PLD1: variants seen among roughly 807,000 people sequenced by gnomAD.
The protein encoded by PLD1 is choline phosphatase 1.
Under a neutral mutation model 137.1 loss-of-function variants are expected in PLD1, and 112 were observed. That is an observed-to-expected ratio of 0.82 (90% confidence interval 0.70 to 0.96). The LOEUF (loss-of-function observed/expected upper bound fraction) is 0.96, where lower values mean the gene tolerates loss of function less well. Ranked by LOEUF, PLD1 falls within the 40% of genes least tolerant of loss-of-function variation. The pLI is 0.00. For missense variants in PLD1, 1,321 were observed against 1,342.0 expected (o/e 0.98, Z 0.24); for synonymous variants, 431 against 454.7 (o/e 0.95, Z 0.66).
At position 171,747,049 on chromosome 3, in the gene PLD1, C is replaced by T. The variant is rs150404427; in HGVS notation, c.-31-8967G>A. ...ACCCGGAGAAATGAACAACTCCAGA[C>T]GCGCCACTTTAAGAGCTGTGGCACT... On this transcript the variant is annotated intron_variant, in intron 1 of 26. Coordinates refer to ENST00000351298, the MANE Select transcript of PLD1 (RefSeq NM_002662.5). Among the ~76,000 whole-genome samples the T allele has an allele frequency of 4.6e-3, 704 of 152,040 alleles. 2 individuals are homozygous for T. The highest frequency in any genetic ancestry group is 0.016 in the African/African-American group (647 of 41,450).
chr3:171,612,475 G>A lies in PLD1; in HGVS notation c.2729-43C>T. 2 of 1,591,256 alleles carry A rather than the reference G, an allele frequency of 1.3e-6. 1 individual carries two copies. The highest frequency in any genetic ancestry group is 2.2e-5 in the South Asian group (2 of 90,226). On this transcript the variant is annotated intron_variant, in intron 24 of 26. Transcript: ENST00000351298. The surrounding 1 kb of genome is among the most constrained non-coding windows in gnomAD (Gnocchi z 4.1). ...GAGGCTGAACAACCTTCCTGTTGTGGCAGACACTGTTGGTTGCCCTCCCAA... is the reference window on the plus strand; with the variant it reads ...GAGGCTGAACAACCTTCCTGTTGTGACAGACACTGTTGGTTGCCCTCCCAA...
chr3:171,676,593 A>G, intron 18 of PLD1, 122 bp downstream of exon 18: 1 of 760,130 alleles, frequency 1.3e-6, no homozygotes, highest in Non-Finnish European at 2.3e-6. Context: ...AGCCAACAGC[A>G]GAGCAGTGAC....
chr3:171,697,044 G>A (rs752178746), intron 12 of PLD1, among the ~76,000 whole-genome samples: 17 of 152,142 alleles, frequency 1.1e-4, no homozygotes, highest in Non-Finnish European at 1.8e-4. Flanking sequence ...CAGTAAACAA[G>A]CGCATGCCAG....
Position 171,708,857 on chromosome 3 carries a change from G to C in PLD1, c.1062-19C>G. The C allele has an allele frequency of 1.4e-6, 2 of 1,386,534 alleles. No individual in the cohort carries two copies. The highest frequency in any genetic ancestry group is 1.2e-5 in the South Asian group (1 of 83,662). The allele number at this position is 1,386,534 out of a possible 1,614,324, so 85.9% of individuals were successfully genotyped here. A position where few individuals can be genotyped will look rare whatever the true frequency, so the allele number is the denominator to read the frequency against. ...AACATACCTGAAAGACAAGTTTATT[G>C]TTCCTTTTTGTTATTAAAAAAGAAA... On this transcript the variant is annotated intron_variant, in intron 10 of 26. Coordinates refer to ENST00000351298, the MANE Select transcript of PLD1 (RefSeq NM_002662.5).
chr3:171,697,667 T>G lies in PLD1; in HGVS notation c.1227+2078A>C, dbSNP rs7624560. Reference sequence around the variant, plus strand: ...TGACAAAGTCTTTGGCACTGCTGTTTACATCTACTACACCTAGAAAGTTCT... The same window carrying G: ...TGACAAAGTCTTTGGCACTGCTGTTGACATCTACTACACCTAGAAAGTTCT... On this transcript the variant is annotated intron_variant, in intron 12 of 26. Transcript: ENST00000351298. Among the ~76,000 whole-genome samples, 1,039 of 152,330 alleles carry G rather than the reference T, an allele frequency of 6.8e-3. 12 individuals are homozygous for G. The highest frequency in any genetic ancestry group is 0.02 in the African/African-American group (816 of 41,572).
chr3:171,763,112 G>T (rs1282934873), intron 1 of PLD1, among the ~76,000 whole-genome samples: 1 of 152,032 alleles, frequency 6.6e-6, no homozygotes, highest in Admixed American at 6.5e-5. Flanking sequence ...GTCTTCTATG[G>T]CAAAGTCTCA....
chr3:171,659,320 A>G lies in PLD1; in HGVS notation c.2341-19T>C, dbSNP rs759526526. On this transcript the variant is annotated intron_variant, in intron 20 of 26. Coordinates refer to ENST00000351298, the MANE Select transcript of PLD1 (RefSeq NM_002662.5). ...ACTGGTTCTATGAGAAATAAACAAG[A>G]CAATCATGTTAGTCTTTATTTTCTT... 2 of 1,492,004 alleles carry G rather than the reference A, an allele frequency of 1.3e-6. No homozygotes were observed. Among genetic ancestry groups the G allele is most frequent in the Non-Finnish European group, 1.9e-6 (2 of 1,068,524 alleles). 92.4% of individuals were successfully genotyped at this position (1,492,004 alleles called of 1,614,324 possible). A position where few individuals can be genotyped will look rare whatever the true frequency, so the allele number is the denominator to read the frequency against.
chr3:171,647,249 G>A (rs1475190912), intron 21 of PLD1, among the ~76,000 whole-genome samples: 2 of 152,160 alleles, frequency 1.3e-5, no homozygotes, highest in Non-Finnish European at 2.9e-5. Flanking sequence ...TTGGAAAAAT[G>A]TTTCTGGGGA....
intron 1 of PLD1, among the ~76,000 whole-genome samples, chr3:171,760,037 T>A (rs979718579): frequency 6.6e-6 from 1 of 152,230 alleles, no homozygotes; most frequent in Non-Finnish European, 1.5e-5. Flanking sequence ...TAACTCCACC[T>A]ATAATAGTCA....
At chr3:171,768,297 C>T (rs771734258) in intron 1 of PLD1, among the ~76,000 whole-genome samples, 11 of 152,086 alleles carry the variant, frequency 7.2e-5, no homozygotes, top group Admixed American at 1.3e-4. Context: ...TTTTCTGGTA[C>T]GTAACCATAA....
At chr3:171,608,652 G>C (rs1732402386) in intron 25 of PLD1, among the ~76,000 whole-genome samples, 1 of 152,154 alleles carries the variant, frequency 6.6e-6, no homozygotes, top group Non-Finnish European at 1.5e-5. Flanking sequence ...AAGGTGGACT[G>C]CAGATAAGAG....
rs1733866878 is a variant in PLD1 at position 171,623,996 on chromosome 3, G to T, written c.2594-3476C>A. 4.0e-5 allele frequency among the ~76,000 whole-genome samples: 5 copies of T among 126,260 alleles called. No homozygotes were observed. The South Asian group carries it at 1.2e-3, about 30-fold the overall frequency. The allele number at this position is 126,260 out of a possible 152,430, so 82.8% of individuals were successfully genotyped here. On this transcript the variant is annotated intron_variant, in intron 23 of 26. Transcript: ENST00000351298. ...AGAAAGATTTTGTAAGTATCCAGAG[G>T]CAAAAAAAAAAAAAAAAAGATTTGT...
chr3:171,602,858 G>A lies in PLD1; in HGVS notation c.*220C>T. 1.8e-6 allele frequency: 1 copy of A among 566,274 alleles called. No homozygotes were observed. The allele number at this position is 566,274 out of a possible 1,614,324, so 35.1% of individuals were successfully genotyped here. ...AGTACATGCTACCAACAAGAATGCA[G>A]CCCCCTTTTTACAAGTTAGGCAGAA... On this transcript the variant is annotated 3_prime_UTR_variant, in exon 27 of 27. Coordinates refer to ENST00000351298, the MANE Select transcript of PLD1 (RefSeq NM_002662.5).
intron 23 of PLD1, among the ~76,000 whole-genome samples, chr3:171,637,959 T>C (rs1735274306): frequency 6.6e-6 from 1 of 151,790 alleles, no homozygotes; most frequent in Middle Eastern, 3.2e-3. Flanking sequence ...GGTGGGTGGA[T>C]CACGAGGTCA....
intron 1 of PLD1, among the ~76,000 whole-genome samples, chr3:171,764,878 A>AGGAAGGAAGGAAAGAAAG (rs1491270656): frequency 4.7e-5 from 1 of 21,238 alleles, no homozygotes; most frequent in African/African-American, 1.9e-4. Context: ...AAAGAAAGAA[A>AGGAAGGAAGGAAAGAAAG]GAAAGAAAGA....
At chr3:171,708,951 T>C (rs1716923925) in intron 10 of PLD1, 113 bp from the exon 11 acceptor site, 1 of 642,688 alleles carries the variant, frequency 1.6e-6, no homozygotes, top group South Asian at 1.9e-5. Flanking sequence ...ACATAACACA[T>C]AACCACCATT....
intron 3 of PLD1, among the ~76,000 whole-genome samples, chr3:171,737,251 G>C (rs1039929187): frequency 6.6e-6 from 1 of 152,184 alleles, no homozygotes; most frequent in African/African-American, 2.4e-5. Context: ...GATTAAGAGA[G>C]GCACTTTGCA....
intron 23 of PLD1, among the ~76,000 whole-genome samples, chr3:171,634,534 C>T (rs1734942192): frequency 6.6e-6 from 1 of 152,120 alleles, no homozygotes; most frequent in African/African-American, 2.4e-5. Flanking sequence ...CAATGAGATG[C>T]AACTTTTGGA....
intron 21 of PLD1, among the ~76,000 whole-genome samples, chr3:171,649,522 C>T (rs1191266683): frequency 6.6e-6 from 1 of 152,176 alleles, no homozygotes. Flanking sequence ...AGGAATCCAA[C>T]GTCCTTCGGA....
Sources: allele counts gnomAD v4.1 joint callset (sites outside exome capture counted in the v4.1 genomes callset), GRCh38; gene constraint gnomAD v4.1.1; non-coding constraint Gnocchi (gnomAD v3.1); transcripts MANE v1.5; gene names NCBI Gene and HGNC (gene_info 2026-07-23, HGNC 2026-07-21).